The following SLC2A8 variants were observed in gnomAD, a reference collection of about 807,000 sequenced individuals.
The protein encoded by SLC2A8 is solute carrier family 2, facilitated glucose transporter member 8.
A neutral mutation model predicts 49.2 loss-of-function variants in SLC2A8; 53 were observed. The ratio of observed to expected loss-of-function variants is 1.08; its 90% confidence interval spans 0.86 to 1.35. The LOEUF is 1.35. Ranked by LOEUF, SLC2A8 falls within the 40% of genes most tolerant of loss-of-function variation. SLC2A8 has a pLI of 0.00. For synonymous variants in SLC2A8, 299 were observed against 297.0 expected (o/e 1.01, Z -0.07); for missense variants, 688 against 671.7 (o/e 1.02, Z -0.27).
rs557400439 is a variant in SLC2A8, at chr9:127,403,458, C to T, written c.724-202C>T. On this transcript the variant is annotated intron_variant, in intron 5 of 9. Coordinates refer to ENST00000373371, the MANE Select transcript of SLC2A8 (RefSeq NM_014580.5). ...CTCCCCCCCACCTATCAGGAAGTGC[C>T]CTGGGCAGGTGAGGGTCATCTCACC... 897 of 617,170 alleles carry T rather than the reference C, an allele frequency of 1.5e-3. 6 individuals carry two copies. Among genetic ancestry groups the T allele is most frequent in the Middle Eastern group, 4.4e-4 (1 of 2,272 alleles). The allele number at this position is 617,170 out of a possible 1,614,324, so 38.2% of individuals were successfully genotyped here. A position where few individuals can be genotyped will look rare whatever the true frequency, so the allele number is the denominator to read the frequency against.
At position 127,402,849 on chromosome 9, in the gene SLC2A8, G is replaced by T. The variant is rs1833345378; in HGVS notation, c.723+96G>T. The T allele has an allele frequency of 7.2e-6, 10 of 1,380,194 alleles. No individual in the cohort carries two copies. In the Admixed American group the frequency reaches 1.4e-4, roughly 20 times the overall value. 85.5% of individuals were successfully genotyped at this position (1,380,194 alleles called of 1,614,324 possible). A position where few individuals can be genotyped will look rare whatever the true frequency, so the allele number is the denominator to read the frequency against. ...AAGGCCACACACTTGGGGGGTGGGG[G>T]ACAGGGAGGTGCCTATCCACCCTCC... On this transcript the variant is annotated intron_variant, in intron 5 of 9. Coordinates refer to ENST00000373371, the MANE Select transcript of SLC2A8 (RefSeq NM_014580.5).
At chr9:127,404,379 G>A (rs1833410868) in intron 7 of SLC2A8, 1 of 345,412 alleles carries the variant, frequency 2.9e-6, no homozygotes, top group East Asian at 6.0e-5. Context: ...TTTTGGACAA[G>A]TGACTTTACC....
chr9:127,397,435 G>T lies in SLC2A8; in HGVS notation c.116G>T (p.Ser39Ile), dbSNP rs1261697361. 2 of 1,486,976 alleles carry T rather than the reference G, an allele frequency of 1.3e-6. No homozygotes were observed. The highest frequency in any genetic ancestry group is 1.8e-6 in the Non-Finnish European group (2 of 1,126,966). The allele number at this position is 1,486,976 out of a possible 1,614,324, so 92.1% of individuals were successfully genotyped here. A position where few individuals can be genotyped will look rare whatever the true frequency, so the allele number is the denominator to read the frequency against. Reference sequence around the variant, plus strand: ...TTCGCCGCTGCCCTGGGCCCACTCAGCTTCGGCTTCGCGCTCGGCTACAGC... The same window carrying T: ...TTCGCCGCTGCCCTGGGCCCACTCATCTTCGGCTTCGCGCTCGGCTACAGC... Reference protein sequence around the residue: ...AAFAAALGPLSFGFALGYSSP... With the variant: ...AAFAAALGPLIFGFALGYSSP... Residue 39 changes from serine to isoleucine, a missense_variant, in exon 2 of 10, where the codon AGC becomes ATC. By Grantham distance (142) the Ser-to-Ile change is moderately radical (BLOSUM62 -2). Coordinates refer to ENST00000373371, the MANE Select transcript of SLC2A8 (RefSeq NM_014580.5).
chr9:127,400,635 C>T (rs185337308), intron 4 of SLC2A8, among the ~76,000 whole-genome samples: 10 of 152,136 alleles, frequency 6.6e-5, no homozygotes, highest in South Asian at 6.2e-4. Flanking sequence ...ATCTTCAGCC[C>T]GGGCGAGTAA....
intron 7 of SLC2A8, 24 bp from the exon 8 acceptor site, chr9:127,404,794 C>T: frequency 1.2e-6 from 2 of 1,600,230 alleles, no homozygotes; most frequent in Non-Finnish European, 8.5e-7. Flanking sequence ...GGTGCCCCGC[C>T]CACTGCCGCC....
At position 127,397,263 on chromosome 9, in the gene SLC2A8, G is replaced by A. The variant is rs1007344251; in HGVS notation, c.33G>A (p.Pro11=). The A allele has an allele frequency of 1.7e-4, 241 of 1,408,534 alleles. No homozygotes were observed. The highest frequency in any genetic ancestry group is 2.1e-4 in the Non-Finnish European group (231 of 1,091,652). The allele number at this position is 1,408,534 out of a possible 1,614,324, so 87.3% of individuals were successfully genotyped here. Reference sequence around the variant, plus strand: ...CCGAGGACCCAGAGGAAACCCAGCCGCTTCTGGGGCCTCCTGGCGGCAGGT... The same window carrying A: ...CCGAGGACCCAGAGGAAACCCAGCCACTTCTGGGGCCTCCTGGCGGCAGGT... The part of the protein sequence containing the change: MTPEDPEETQ[P]LLGPPGGSAP... Residue 11 remains proline, a synonymous_variant, in exon 1 of 10, where the codon CCG becomes CCA. Coordinates refer to ENST00000373371, the MANE Select transcript of SLC2A8 (RefSeq NM_014580.5).
intron 3 of SLC2A8, among the ~76,000 whole-genome samples, chr9:127,398,992 A>G (rs557011202): frequency 1.3e-5 from 2 of 152,372 alleles, no homozygotes; most frequent in African/African-American, 4.8e-5. Context: ...GTGGGGAAGA[A>G]GCTGGGCCTT....
chr9:127,402,975 G>A (rs1247063555), intron 5 of SLC2A8, among the ~76,000 whole-genome samples: 1 of 152,236 alleles, frequency 6.6e-6, no homozygotes, highest in Admixed American at 6.5e-5. Context: ...CACCAGCAAA[G>A]CCCGAGCTTT....
intron 8 of SLC2A8, 48 bp from the exon 9 acceptor site, chr9:127,405,372 C>T: frequency 6.3e-7 from 1 of 1,597,690 alleles, no homozygotes; most frequent in Non-Finnish European, 8.5e-7. Context: ...GCTGAGGAGC[C>T]CAGCCCTGCG....
At chr9:127,405,390 A>ATGCCTGTCT (rs1833454654) in intron 8 of SLC2A8, 30 bp from the exon 9 acceptor site, 1 of 1,609,274 alleles carries the variant, frequency 6.2e-7, no homozygotes, top group Non-Finnish European at 8.5e-7. Context: ...GCGGACCCTG[A>ATGCCTGTCT]TGCCTGTCTT....
chr9:127,397,590 G>C (rs1030082733), intron 2 of SLC2A8, 52 bp downstream of exon 2: 3 of 1,364,784 alleles, frequency 2.2e-6, no homozygotes, highest in South Asian at 1.7e-5. Flanking sequence ...CCCTCCTCTC[G>C]GGACGGGCAT....
rs1362431277 is a variant in SLC2A8 at position 127,404,938 on chromosome 9, C to T, written c.1097C>T (p.Ala366Val). ...CCTGTCTCTGCACAGCCTGTTGATG[C>T]CAGCGTGGGGCTGGCCTGGCTGGCC... ...SAPVSAQPVDASVGLAWLAVG... is the reference protein window; with the variant it reads ...SAPVSAQPVDVSVGLAWLAVG... The change falls in exon 8 of 10, where the codon GCC becomes GTC. Residue 366 changes from alanine (A) to valine (V), a missense_variant. Ala to Val is a moderately conservative substitution (Grantham distance 64). Coordinates refer to ENST00000373371, the MANE Select transcript of SLC2A8 (RefSeq NM_014580.5). 3 of 1,611,648 alleles carry T rather than the reference C, an allele frequency of 1.9e-6. No individual in the cohort carries two copies. The highest frequency in any genetic ancestry group is 2.5e-6 in the Non-Finnish European group (3 of 1,179,630).
intron 4 of SLC2A8, among the ~76,000 whole-genome samples, chr9:127,400,656 A>G (rs775446337): frequency 3.9e-5 from 6 of 152,148 alleles, no homozygotes; most frequent in Non-Finnish European, 7.4e-5. Flanking sequence ...AGGGCTGAGC[A>G]AGTCCCCTGA....
rs184103092 is a variant in SLC2A8 at position 127,400,938 on chromosome 9, T to C, written c.526+932T>C. Among the ~76,000 whole-genome samples, 465 of 152,172 alleles carry C rather than the reference T, an allele frequency of 3.1e-3. 4 individuals are homozygous for C. Among genetic ancestry groups the C allele is most frequent in the African/African-American group, 0.011 (448 of 41,508 alleles). ...GGTGAAAACCCATTTCTATTTAAAA[T>C]ACAAAAATTAGCCAGGCGTGGTGGT... is the stretch of plus-strand genomic sequence containing the variant. On this transcript the variant is annotated intron_variant, in intron 4 of 9. Coordinates refer to ENST00000373371, the MANE Select transcript of SLC2A8 (RefSeq NM_014580.5).
chr9:127,400,800 G>T (rs1344426772), intron 4 of SLC2A8, among the ~76,000 whole-genome samples: 1 of 152,102 alleles, frequency 6.6e-6, no homozygotes, highest in African/African-American at 2.4e-5. Flanking sequence ...TTAGAAAGAG[G>T]CCAGGCTTTA....
At position 127,407,148 on chromosome 9, in the gene SLC2A8, T is replaced by G. The variant is rs771741018; in HGVS notation, c.1333T>G (p.Ser445Ala). 6.8e-6 allele frequency: 11 copies of G among 1,613,556 alleles called. No homozygotes were observed. The South Asian group carries it at 1.2e-4, about 18-fold the overall frequency. ...LRPYGAFWLASAFCIFSVLFT... is the reference protein window; with the variant it reads ...LRPYGAFWLAAAFCIFSVLFT... The stretch of plus-strand genomic sequence containing the variant: ...GCCCTATGGAGCCTTCTGGCTTGCC[T>G]CCGCTTTCTGCATCTTCAGTGTCCT... Residue 445 changes from serine (S) to alanine (A), a missense_variant, in exon 10 of 10, where the codon TCC (serine) becomes GCC (alanine). Ser to Ala is a moderately conservative substitution (Grantham distance 99). Transcript: ENST00000373371.
intron 4 of SLC2A8, chr9:127,402,306 T>C (rs1280994223): frequency 4.4e-6 from 2 of 459,258 alleles, no homozygotes; most frequent in African/African-American, 2.0e-5. Context: ...TACATAAATG[T>C]TTCGTTGAAC....
chr9:127,405,877 A>G (rs986247821), intron 9 of SLC2A8: 2 of 540,402 alleles, frequency 3.7e-6, no homozygotes, highest in Non-Finnish European at 7.1e-6. Context: ...AAGAGTTGAC[A>G]GGGCTGGGCT....
Position 127,407,598 on chromosome 9 carries a change from C to T in SLC2A8, c.*349C>T, listed in dbSNP as rs560717025. 19 of 390,282 alleles carry T rather than the reference C, an allele frequency of 4.9e-5. No homozygotes were observed. Among genetic ancestry groups the T allele is most frequent in the African/African-American group, 1.5e-4 (7 of 48,018 alleles). The allele number at this position is 390,282 out of a possible 1,614,324, so 24.2% of individuals were successfully genotyped here. A position where few individuals can be genotyped will look rare whatever the true frequency, so the allele number is the denominator to read the frequency against. On this transcript the variant is annotated 3_prime_UTR_variant, in exon 10 of 10. Coordinates refer to ENST00000373371, the MANE Select transcript of SLC2A8 (RefSeq NM_014580.5). ...GGAGGTTGGGTGCTGGGCATTCAGT[C>T]GCTCCTCTCACGCGGCTGCCTTATC...
Sources: gnomAD v4.1 joint callset for allele counts (sites outside exome capture counted in the v4.1 genomes callset) on GRCh38, gnomAD v4.1.1 for gene constraint, MANE v1.5 for transcripts, NCBI Gene and HGNC (gene_info 2026-07-23, HGNC 2026-07-21) for gene names.